The following PTPRD variants were observed in gnomAD, a reference collection of about 807,000 sequenced individuals.
PTPRD encodes protein tyrosine phosphatase receptor type D, also known as receptor-type tyrosine-protein phosphatase delta.
Under a neutral mutation model 214.5 loss-of-function variants are expected in PTPRD, and 34 were observed. The ratio of observed to expected loss-of-function variants is 0.16; its 90% CI spans 0.12 to 0.21. The LOEUF (loss-of-function observed/expected upper bound fraction) is 0.21. Among genes scored for constraint, PTPRD ranks in the 10% least tolerant of loss-of-function variants. PTPRD has a pLI of 1.00. For missense variants in PTPRD, 2,545 were observed against 2,398.7 expected, an observed-to-expected ratio of 1.06 and a Z score of -1.27; for synonymous variants, 1,128 against 845.7, an observed-to-expected ratio of 1.33 and a Z score of -5.79.
At chr9:9,996,221 C>A (rs1191074229) in intron 4 of PTPRD, among the ~76,000 whole-genome samples, 1 of 152,094 alleles carries the variant, frequency 6.6e-6, no homozygotes, top group Non-Finnish European at 1.5e-5. Context: ...GGTGTTAGTT[C>A]ATAACTTAAG....
rs140246811 is a variant in PTPRD, at chr9:9,608,832, T to C, written c.-286-34051A>G. Among the ~76,000 whole-genome samples the C allele has an allele frequency of 8.9e-3, 1,362 of 152,320 alleles. 21 individuals carry two copies. Among genetic ancestry groups the C allele is most frequent in the African/African-American group, 0.031 (1,305 of 41,570 alleles). ...CTTGATTCCTTGGTCGATTATTCTG[T>C]ACATTACTTCTAAGAATTACCTTCT... On this transcript the variant is annotated intron_variant, in intron 7 of 45. Transcript: ENST00000381196.
chr9:10,273,956 A>G (rs991228233), intron 3 of PTPRD, among the ~76,000 whole-genome samples: 3 of 143,792 alleles, frequency 2.1e-5, no homozygotes, highest in Non-Finnish European at 3.1e-5. Context: ...TAGCTATGTA[A>G]TGTAGTTTTT....
intron 35 of PTPRD, among the ~76,000 whole-genome samples, chr9:8,435,815 T>C (rs952308360): frequency 5.9e-5 from 9 of 152,144 alleles, no homozygotes; most frequent in African/African-American, 1.9e-4. Context: ...AATTTTAAGA[T>C]AGCATTCAGC....
intron 10 of PTPRD, among the ~76,000 whole-genome samples, chr9:9,073,946 A>C (rs2099747393): frequency 6.6e-6 from 1 of 152,072 alleles, no homozygotes; most frequent in Non-Finnish European, 1.5e-5. Context: ...CAGTTTCCCC[A>C]CCTGTAAAAT....
At chr9:10,288,439 A>G (rs1024545255) in intron 3 of PTPRD, among the ~76,000 whole-genome samples, 1 of 152,194 alleles carries the variant, frequency 6.6e-6, no homozygotes, top group Non-Finnish European at 1.5e-5. Context: ...TAATGACCCA[A>G]GTAAAGAAAC....
At chr9:9,994,138 G>T (rs1423617109) in intron 4 of PTPRD, among the ~76,000 whole-genome samples, 1 of 152,136 alleles carries the variant, frequency 6.6e-6, no homozygotes, top group Non-Finnish European at 1.5e-5. Flanking sequence ...AAACCAGGAA[G>T]TCTGGCTCTA....
intron 4 of PTPRD, among the ~76,000 whole-genome samples, chr9:9,954,379 G>T (rs16930664): frequency 0.27 from 39,541 of 146,090 alleles, 6,001 homozygotes; most frequent in East Asian, 0.51. Context: ...AGGGAGTAAT[G>T]TAATTGTATC....
At chr9:8,672,000 T>C (rs2097297759) in intron 12 of PTPRD, among the ~76,000 whole-genome samples, 1 of 152,200 alleles carries the variant, frequency 6.6e-6, no homozygotes, top group African/African-American at 2.4e-5. Flanking sequence ...CATTCATGGG[T>C]ACAAAATGTT....
At chr9:9,539,136 G>A (rs1357450112) in intron 8 of PTPRD, among the ~76,000 whole-genome samples, 1 of 151,870 alleles carries the variant, frequency 6.6e-6, no homozygotes, top group Non-Finnish European at 1.5e-5. Flanking sequence ...AATGGGTAAA[G>A]AAGGAGTTAC....
chr9:9,878,076 A>G lies in PTPRD; in HGVS notation c.-368+60431T>C, dbSNP rs41346645. On this transcript the variant is annotated intron_variant, in intron 5 of 45. Transcript: ENST00000381196. Reference sequence around the variant, plus strand: ...AATCTCACTGATTGTTTGATCAGATAAAGGACCCTGCCAACTGTGGTAGAG... The same window carrying G: ...AATCTCACTGATTGTTTGATCAGATGAAGGACCCTGCCAACTGTGGTAGAG... 5.5e-3 allele frequency among the ~76,000 whole-genome samples: 837 copies of G among 152,184 alleles called. 11 individuals carry two copies. Among genetic ancestry groups the G allele is most frequent in the East Asian group, 0.045 (232 of 5,170 alleles).
At chr9:10,265,888 C>T (rs902666040) in intron 3 of PTPRD, among the ~76,000 whole-genome samples, 4 of 152,122 alleles carry the variant, frequency 2.6e-5, no homozygotes, top group Non-Finnish European at 4.4e-5. Flanking sequence ...ATCAGCATTA[C>T]AGTAATCTAG....
chr9:10,285,605 CTTTTTTTTTTTTTT>C (rs34225956), intron 3 of PTPRD, among the ~76,000 whole-genome samples: 9 of 104,068 alleles, frequency 8.6e-5, no homozygotes, highest in South Asian at 3.7e-4. Context: ...GGGGTCTCAT[CTTTTTTTTTTTTTT>C]TTTTTTTTTG....
At chr9:9,194,848 A>T (rs1285493862) in intron 9 of PTPRD, among the ~76,000 whole-genome samples, 1 of 152,062 alleles carries the variant, frequency 6.6e-6, no homozygotes, top group African/African-American at 2.4e-5. Flanking sequence ...GCATCAATGC[A>T]GTTGGGTTCT....
intron 11 of PTPRD, among the ~76,000 whole-genome samples, chr9:8,739,238 G>A (rs2091294665): frequency 1.3e-5 from 2 of 152,198 alleles, no homozygotes; most frequent in Admixed American, 1.3e-4. Flanking sequence ...TACAACACAA[G>A]TACATGAAAA....
At chr9:10,047,312 C>CTGTGTGTGTGTG (rs56257525) in intron 3 of PTPRD, among the ~76,000 whole-genome samples, 2,101 of 138,792 alleles carry the variant, frequency 0.015, 69 homozygotes, top group African/African-American at 0.054. Flanking sequence ...AATCAACTAA[C>CTGTGTGTGTGTG]TGTGTGTGTG....
At chr9:9,843,092 G>A (rs977064834) in intron 5 of PTPRD, among the ~76,000 whole-genome samples, 1 of 152,020 alleles carries the variant, frequency 6.6e-6, no homozygotes, top group Non-Finnish European at 1.5e-5. Context: ...TTTCCATAAA[G>A]GATTTTGGGC....
intron 11 of PTPRD, among the ~76,000 whole-genome samples, chr9:8,755,834 C>G (rs73421222): frequency 0.051 from 7,695 of 152,140 alleles, 487 homozygotes; most frequent in African/African-American, 0.15. Flanking sequence ...GAAGGGAGAA[C>G]AGTAAATGAC....
In PTPRD at chr9:10,096,332, C is replaced by A. The variant is rs144244767; in HGVS notation, c.-544-62542G>T. Among the ~76,000 whole-genome samples, 25 of 151,768 alleles carry A rather than the reference C, an allele frequency of 1.6e-4. No homozygotes were observed. In the East Asian group the frequency reaches 4.3e-3, roughly 26 times the overall value. On this transcript the variant is annotated intron_variant, in intron 3 of 45. Transcript: ENST00000381196. The stretch of plus-strand genomic sequence containing the variant: ...TGTGAAACATTCTCTATACATCACC[C>A]CTTTTATCTAACTGGCTGACAGAAA...
At chr9:8,964,052 T>C (rs982954505) in intron 11 of PTPRD, among the ~76,000 whole-genome samples, 13 of 152,080 alleles carry the variant, frequency 8.5e-5, no homozygotes, top group African/African-American at 3.1e-4. Flanking sequence ...ATCAGGGTGA[T>C]GCTGGCTTCA....
Sources: allele counts gnomAD v4.1 joint callset (sites outside exome capture counted in the v4.1 genomes callset), GRCh38; gene constraint gnomAD v4.1.1; transcripts MANE v1.5; gene names NCBI Gene and HGNC (gene_info 2026-07-23, HGNC 2026-07-21).